The following SENP5 variants were observed in gnomAD, a reference collection of about 807,000 sequenced individuals.
SENP5 encodes sentrin-specific protease 5.
A neutral mutation model predicts 74.2 loss-of-function variants in SENP5; 21 were observed. That is an observed-to-expected ratio of 0.28 (90% CI 0.20 to 0.41). The LOEUF (loss-of-function observed/expected upper bound fraction) is 0.41, where lower values mean the gene tolerates loss of function less well. SENP5 is among the 10% of genes least tolerant of loss of function. The pLI, the probability that SENP5 is intolerant of heterozygous loss-of-function variation, is 1.00. For missense variants in SENP5, 717 were observed against 889.1 expected (o/e 0.81, Z 2.46); for synonymous variants, 311 against 312.7 (o/e 0.99, Z 0.06).
chr3:196,919,455 TG>T (rs1435541304), intron 6 of SENP5, among the ~76,000 whole-genome samples: 1 of 152,158 alleles, frequency 6.6e-6, no homozygotes, highest in African/African-American at 2.4e-5. Context: ...CACTCCAGCC[TG>T]GGCTACAGAG....
At chr3:196,900,143 C>A in intron 4 of SENP5, 81 bp downstream of exon 4, 1 of 1,521,544 alleles carries the variant, frequency 6.6e-7, no homozygotes, top group Non-Finnish European at 8.8e-7. Context: ...TTTGGCTTCT[C>A]AGTTGTCTTT....
intron 2 of SENP5, among the ~76,000 whole-genome samples, chr3:196,895,791 G>A (rs1435088698): frequency 6.6e-6 from 1 of 152,122 alleles, no homozygotes; most frequent in African/African-American, 2.4e-5. Context: ...CAAAGTGTTA[G>A]GATTACAGGC....
At chr3:196,902,128 CCTT>C (rs757994265) in intron 5 of SENP5, among the ~76,000 whole-genome samples, 13 of 152,172 alleles carry the variant, frequency 8.5e-5, no homozygotes, top group East Asian at 1.9e-4. Flanking sequence ...TAAAACATAA[CCTT>C]CTTTTTAGAG....
At chr3:196,884,614 CAT>C (rs138163730) in intron 1 of SENP5, among the ~76,000 whole-genome samples, 1,738 of 151,254 alleles carry the variant, frequency 0.011, 30 homozygotes, top group African/African-American at 0.038. Context: ...GGACTGAACA[CAT>C]GTTTACCTCA....
rs923535377 is a variant in SENP5, at chr3:196,932,755, T to G, written c.*1832T>G. 1.6e-5 allele frequency: 2 copies of G among 123,644 alleles called. No individual in the cohort carries two copies. The highest frequency in any genetic ancestry group is 2.9e-5 in the African/African-American group (1 of 35,022). 7.7% of individuals were successfully genotyped at this position (123,644 alleles called of 1,614,324 possible). On this transcript the variant is annotated 3_prime_UTR_variant, in exon 10 of 10. Coordinates refer to ENST00000323460, the MANE Select transcript of SENP5 (RefSeq NM_152699.5). ...TTTTTTTTTTTTTTTTTTTTTTTTT[T>G]TGTGGGGGTGTGGTATACCAAAGTA...
At chr3:196,929,611 A>C in intron 8 of SENP5, 22 bp from the exon 9 acceptor site, 1 of 1,503,350 alleles carries the variant, frequency 6.7e-7, no homozygotes, top group Non-Finnish European at 9.2e-7. Context: ...TGTTTTAATG[A>C]CTATTTTGTT....
Position 196,885,811 on chromosome 3 carries a change from A to G in SENP5, c.630A>G (p.Gly210=). The G allele has an allele frequency of 1.2e-6, 2 of 1,614,174 alleles. No individual in the cohort carries two copies. The highest frequency in any genetic ancestry group is 1.7e-6 in the Non-Finnish European group (2 of 1,180,030). ...GGCCGGAGCACCACAGGAATGGGGG[A>G]CCCTTGATTCCAAAAAAGTTCCAAC... The part of the protein sequence containing the change: ...CQGPEHHRNG[G]PLIPKKFQLN... Residue 210 remains glycine (G), a synonymous_variant, in exon 2 of 10, where the codon GGA becomes GGG. Coordinates refer to ENST00000323460, the MANE Select transcript of SENP5 (RefSeq NM_152699.5).
intron 1 of SENP5, among the ~76,000 whole-genome samples, chr3:196,870,674 C>T (rs748060403): frequency 4.0e-5 from 6 of 151,850 alleles, no homozygotes; most frequent in East Asian, 2.0e-4. Context: ...CCCACCACCA[C>T]GCCCGGCTAA....
At chr3:196,902,410 G>A (rs1714736552) in intron 5 of SENP5, among the ~76,000 whole-genome samples, 1 of 152,222 alleles carries the variant, frequency 6.6e-6, no homozygotes, top group South Asian at 2.1e-4. Context: ...GGGATTAGAA[G>A]TGTGAGCCAC....
intron 1 of SENP5, among the ~76,000 whole-genome samples, chr3:196,879,224 A>G (rs530774216): frequency 6.6e-6 from 1 of 152,330 alleles, no homozygotes; most frequent in African/African-American, 2.4e-5. Flanking sequence ...TTGAGGTGGT[A>G]TGGAGTATCT....
intron 1 of SENP5, 107 bp from the exon 2 acceptor site, chr3:196,885,044 A>G: frequency 1.6e-6 from 1 of 639,480 alleles, no homozygotes; most frequent in Non-Finnish European, 2.7e-6. Flanking sequence ...TCTAAATTGA[A>G]GTATATGTAC....
At chr3:196,902,412 G>A (rs1714736770) in intron 5 of SENP5, among the ~76,000 whole-genome samples, 1 of 152,200 alleles carries the variant, frequency 6.6e-6, no homozygotes, top group Non-Finnish European at 1.5e-5. Flanking sequence ...GATTAGAAGT[G>A]TGAGCCACTA....
chr3:196,873,892 T>G (rs935684543), intron 1 of SENP5, among the ~76,000 whole-genome samples: 1 of 152,052 alleles, frequency 6.6e-6, no homozygotes, highest in Non-Finnish European at 1.5e-5. Context: ...TATTTAGGAA[T>G]GGGTCTTGCT....
chr3:196,891,888 T>C (rs1714217504), intron 2 of SENP5, among the ~76,000 whole-genome samples: 1 of 151,622 alleles, frequency 6.6e-6, no homozygotes, highest in Admixed American at 6.6e-5. Flanking sequence ...CCTTCTGGGT[T>C]CAAGCGATTC....
At chr3:196,916,247 A>AGC (rs1715368675) in intron 6 of SENP5, among the ~76,000 whole-genome samples, 14 of 152,018 alleles carry the variant, frequency 9.2e-5, no homozygotes, top group Admixed American at 4.6e-4. Context: ...GAATTGCTTA[A>AGC]ACTTGAGAGG....
intron 1 of SENP5, 39 bp from the exon 2 acceptor site, chr3:196,885,112 T>C (rs978700428): frequency 6.1e-5 from 78 of 1,272,336 alleles, no homozygotes; most frequent in Non-Finnish European, 8.0e-5. Flanking sequence ...CATGACCTTA[T>C]TTTTAGATAG....
chr3:196,912,505 G>C (rs973348455), intron 6 of SENP5: 1 of 152,042 alleles, frequency 6.6e-6, no homozygotes, highest in Non-Finnish European at 1.5e-5. Flanking sequence ...AGCGGGGTGC[G>C]GTGGTTCATG....
chr3:196,873,682 TACAAAAAATTAGCCGG>T, intron 1 of SENP5, among the ~76,000 whole-genome samples: 1 of 151,320 alleles, frequency 6.6e-6, no homozygotes, highest in Non-Finnish European at 1.5e-5. Flanking sequence ...CTACTAAAAA[TACAAAAAATTAGCCGG>T]GTGTGGTGGC....
chr3:196,897,332 C>A (rs1021904068), intron 2 of SENP5, among the ~76,000 whole-genome samples: 1 of 152,174 alleles, frequency 6.6e-6, no homozygotes, highest in Non-Finnish European at 1.5e-5. Flanking sequence ...ACACTAGAGG[C>A]AAGTATATGG....
Sources: gnomAD v4.1 joint callset for allele counts (sites outside exome capture counted in the v4.1 genomes callset) on GRCh38, gnomAD v4.1.1 for gene constraint, MANE v1.5 for transcripts, NCBI Gene and HGNC (gene_info 2026-07-23, HGNC 2026-07-21) for gene names.